The following ATP9A variants were observed in gnomAD, a reference collection of about 807,000 sequenced individuals.
ATP9A encodes probable phospholipid-transporting ATPase IIA.
A neutral mutation model predicts 144.1 loss-of-function variants in ATP9A; 52 were observed. That is an observed-to-expected ratio of 0.36 (90% CI 0.29 to 0.45). The LOEUF (loss-of-function observed/expected upper bound fraction) is 0.45. Ranked by LOEUF, ATP9A falls within the 20% of genes least tolerant of loss-of-function variation. The pLI, the probability that ATP9A is intolerant of heterozygous loss-of-function variation, is 1.00. For synonymous variants in ATP9A, 582 were observed against 557.4 expected, an observed-to-expected ratio of 1.04 and a Z score of -0.62; for missense variants, 947 against 1,392.7, an observed-to-expected ratio of 0.68 and a Z score of 5.09.
chr20:51,710,704 A>G (rs1167157319), intron 4 of ATP9A, among the ~76,000 whole-genome samples: 1 of 152,310 alleles, frequency 6.6e-6, no homozygotes, highest in African/African-American at 2.4e-5. Flanking sequence ...AGGGGCCGCA[A>G]AGAGAGACCC....
intron 1 of ATP9A, among the ~76,000 whole-genome samples, chr20:51,762,894 A>AT (rs1043836932): frequency 2.0e-5 from 3 of 151,178 alleles, no homozygotes; most frequent in African/African-American, 7.3e-5. Context: ...ATTATTATTT[A>AT]TTTTTTGTAG....
chr20:51,747,102 T>TTG (rs1449168647), intron 1 of ATP9A, among the ~76,000 whole-genome samples: 1 of 149,856 alleles, frequency 6.7e-6, no homozygotes, highest in Non-Finnish European at 1.5e-5. Context: ...TTTTTCGTTT[T>TTG]TTTTTTTTTT....
intron 1 of ATP9A, among the ~76,000 whole-genome samples, chr20:51,739,640 T>A (rs1273377907): frequency 6.6e-6 from 1 of 152,148 alleles, no homozygotes; most frequent in Non-Finnish European, 1.5e-5. Flanking sequence ...TCCTCCATCT[T>A]CTTTCCCAGG....
chr20:51,684,462 T>G (rs1396637892), intron 9 of ATP9A, among the ~76,000 whole-genome samples: 1 of 151,610 alleles, frequency 6.6e-6, no homozygotes, highest in Non-Finnish European at 1.5e-5. Context: ...TTTGGGAGGC[T>G]GAGGCGGGTG....
chr20:51,752,308 G>A (rs987314579), intron 1 of ATP9A, among the ~76,000 whole-genome samples: 1 of 152,132 alleles, frequency 6.6e-6, no homozygotes, highest in Admixed American at 6.6e-5. Flanking sequence ...AAATACCTAA[G>A]ACAGTGATGC....
At chr20:51,679,750 G>C (rs770083540) in intron 9 of ATP9A, among the ~76,000 whole-genome samples, 2 of 152,230 alleles carry the variant, frequency 1.3e-5, no homozygotes, top group Non-Finnish European at 2.9e-5. Flanking sequence ...CTCTGGAACA[G>C]TGTGGTGCTG....
rs145091891 is a variant in ATP9A, at chr20:51,654,009, A to C, written c.1506+2929T>G. Among the ~76,000 whole-genome samples the C allele has an allele frequency of 7.0e-3, 1,067 of 152,288 alleles. 61 individuals are homozygous for C. Among genetic ancestry groups the C allele is most frequent in the Admixed American group, 0.062 (950 of 15,286 alleles). On this transcript the variant is annotated intron_variant, in intron 14 of 27. Coordinates refer to ENST00000338821, the MANE Select transcript of ATP9A (RefSeq NM_006045.3). ...CAGACTAAACCTGCCAAGCCACAGA[A>C]AGAAGAAATGATGATAAACCTGAAA... is the stretch of plus-strand genomic sequence containing the variant.
intron 14 of ATP9A, among the ~76,000 whole-genome samples, chr20:51,643,719 C>T (rs1479507649): frequency 6.6e-6 from 1 of 152,156 alleles, no homozygotes; most frequent in Admixed American, 6.5e-5. Flanking sequence ...TTTGTTATAG[C>T]AGGCCATGTT....
At chr20:51,699,144 C>T (rs2122830817) in intron 4 of ATP9A, among the ~76,000 whole-genome samples, 1 of 152,130 alleles carries the variant, frequency 6.6e-6, no homozygotes, top group Middle Eastern at 3.4e-3. Context: ...GAGTTCAAGA[C>T]CAGCCTGGCA....
chr20:51,668,282 A>T (rs1291798766), intron 13 of ATP9A, among the ~76,000 whole-genome samples: 1 of 151,432 alleles, frequency 6.6e-6, no homozygotes, highest in African/African-American at 2.4e-5. Flanking sequence ...ACCAGGATGG[A>T]GGGCGTGGTG....
In ATP9A at chr20:51,611,689, C is replaced by A. The variant is rs1200038962; in HGVS notation, c.2572-1524G>T. On this transcript the variant is annotated intron_variant, in intron 23 of 27. Transcript: ENST00000338821. The surrounding 1 kb of genome is among the most constrained non-coding windows in gnomAD (Gnocchi z 4.2). ...TTTTGAAGAAGTCAGCTCATCCCGG[C>A]CAGCTTTTGTGTATGAGTCCAAGGA... Among the ~76,000 whole-genome samples the A allele has an allele frequency of 6.6e-6, 1 of 152,170 alleles. No individual in the cohort carries two copies. Among genetic ancestry groups the A allele is most frequent in the Non-Finnish European group, 1.5e-5 (1 of 68,020 alleles).
intron 3 of ATP9A, among the ~76,000 whole-genome samples, chr20:51,720,254 G>A (rs1013363061): frequency 6.6e-6 from 1 of 152,000 alleles, no homozygotes; most frequent in Admixed American, 6.6e-5. Flanking sequence ...ACCAATAAAA[G>A]GCAGTATGAT....
intron 13 of ATP9A, 66 bp downstream of exon 13, chr20:51,669,931 C>T: frequency 9.4e-7 from 1 of 1,064,408 alleles, no homozygotes; most frequent in Admixed American, 1.9e-5. Flanking sequence ...TGAATTACAT[C>T]TCAATATAGC....
intron 14 of ATP9A, among the ~76,000 whole-genome samples, chr20:51,642,191 G>T (rs1284065713): frequency 6.6e-6 from 1 of 151,924 alleles, no homozygotes; most frequent in Non-Finnish European, 1.5e-5. Context: ...GTCTCACTCT[G>T]TCACCTAGGC....
chr20:51,622,155 C>T lies in ATP9A; in HGVS notation c.2034G>A (p.Gly678=). The change falls in exon 19 of 28, where the codon GGG becomes GGA. Residue 678 remains glycine, a synonymous_variant. Transcript: ENST00000338821. Reference sequence around the variant, plus strand: ...TGCACGTAGCTGTCTCCAGCTTGTCCCCTGTCAGCATCCAAACCTGAAATC... The same window carrying T: ...TGCACGTAGCTGTCTCCAGCTTGTCTCCTGTCAGCATCCAAACCTGAAATC... ...NAGIKVWMLT[G]DKLETATCTA... is the part of the protein sequence containing the mutation. The T allele has an allele frequency of 1.9e-6, 3 of 1,614,022 alleles. No homozygotes were observed. The highest frequency in any genetic ancestry group is 1.7e-6 in the Non-Finnish European group (2 of 1,179,930).
intron 16 of ATP9A, among the ~76,000 whole-genome samples, chr20:51,628,127 A>C (rs983824403): frequency 7.2e-5 from 11 of 152,216 alleles, no homozygotes; most frequent in African/African-American, 2.7e-4. Context: ...TTACACGCAA[A>C]GTGCAACTCT....
At chr20:51,695,729 ATCAGC>A (rs1401329145) in intron 6 of ATP9A, among the ~76,000 whole-genome samples, 1 of 152,162 alleles carries the variant, frequency 6.6e-6, no homozygotes, top group Non-Finnish European at 1.5e-5. Flanking sequence ...ATCTGCTGGT[ATCAGC>A]TTAGAAGAGA....
intron 1 of ATP9A, among the ~76,000 whole-genome samples, chr20:51,758,359 G>A (rs886534062): frequency 1.4e-4 from 21 of 151,950 alleles, no homozygotes; most frequent in African/African-American, 3.4e-4. Context: ...CTGAAGACAC[G>A]TCCCAACCCC....
At chr20:51,738,214 C>T (rs2077770596) in intron 1 of ATP9A, among the ~76,000 whole-genome samples, 1 of 151,838 alleles carries the variant, frequency 6.6e-6, no homozygotes, top group South Asian at 2.1e-4. Context: ...ATGTTTAGTA[C>T]AGACAGGGTT....
Sources: allele counts gnomAD v4.1 joint callset (sites outside exome capture counted in the v4.1 genomes callset), GRCh38; gene constraint gnomAD v4.1.1; non-coding constraint Gnocchi (gnomAD v3.1); transcripts MANE v1.5; gene names NCBI Gene and HGNC (gene_info 2026-07-23, HGNC 2026-07-21).